The following TTBK2 variants were observed in gnomAD, a reference collection of about 807,000 sequenced individuals.
TTBK2 encodes the protein tau tubulin kinase 2.
A neutral mutation model predicts 110.8 loss-of-function variants in TTBK2; 28 were observed. The ratio of observed to expected loss-of-function variants is 0.25; its 90% CI spans 0.19 to 0.35. The LOEUF is 0.35. Among genes scored for constraint, TTBK2 ranks in the 10% least tolerant of loss-of-function variants. The pLI, the probability that TTBK2 is intolerant of heterozygous loss-of-function variation, is 1.00. For missense variants in TTBK2, 1,369 were observed against 1,500.3 expected (o/e 0.91, Z 1.45); for synonymous variants, 532 against 527.3 (o/e 1.01, Z -0.12).
intron 6 of TTBK2, among the ~76,000 whole-genome samples, chr15:42,822,160 T>C (rs2140963795): frequency 6.6e-6 from 1 of 152,326 alleles, no homozygotes; most frequent in Non-Finnish European, 1.5e-5. Flanking sequence ...TGTTTACAGA[T>C]CTTGGATATA....
chr15:42,912,146 G>A (rs939320300), intron 1 of TTBK2, among the ~76,000 whole-genome samples: 3 of 152,068 alleles, frequency 2.0e-5, no homozygotes, highest in Non-Finnish European at 4.4e-5. Context: ...AGGCCTGAAA[G>A]GTAAACTGAG....
chr15:42,838,364 G>GTGTGTGTGTGTGTGTA (rs1337854985), intron 4 of TTBK2, among the ~76,000 whole-genome samples: 1 of 148,646 alleles, frequency 6.7e-6, no homozygotes, highest in Admixed American at 6.6e-5. Context: ...GTGTGTGTGT[G>GTGTGTGTGTGTGTGTA]TGTGTGTGTG....
In TTBK2 at chr15:42,752,446, C is replaced by A. The variant is rs2061879018; in HGVS notation, c.2800G>T (p.Val934Phe). 2 of 1,614,168 alleles carry A rather than the reference C, an allele frequency of 1.2e-6. No homozygotes were observed. Among genetic ancestry groups the A allele is most frequent in the Non-Finnish European group, 8.5e-7 (1 of 1,180,020 alleles). The change falls in exon 14 of 15, where the codon GTT becomes TTT. Residue 934 changes from valine (V) to phenylalanine (F), a missense_variant. Physicochemically the swap from Val to Phe is conservative, Grantham distance 50. Transcript: ENST00000267890. ...TGTCTAGTTACAAAGGATGACCTAA[C>A]CATATCCTTCCGGGTTGGGGCACCA... ...EHGAPTRKDMVRSSFVTRHSR... is the reference protein window; with the variant it reads ...EHGAPTRKDMFRSSFVTRHSR...
intron 11 of TTBK2, among the ~76,000 whole-genome samples, chr15:42,782,567 T>C (rs1332131047): frequency 6.6e-6 from 1 of 152,258 alleles, no homozygotes; most frequent in African/African-American, 2.4e-5. Flanking sequence ...AAAAGATGTA[T>C]CTTAAACTGC....
At chr15:42,848,732 C>T (rs530617910) in intron 3 of TTBK2, among the ~76,000 whole-genome samples, 29 of 152,278 alleles carry the variant, frequency 1.9e-4, no homozygotes, top group African/African-American at 6.3e-4. Context: ...TCAGGTGATC[C>T]GCCCACCTAA....
In TTBK2 at chr15:42,820,711, A is replaced by G. The variant is rs538266997; in HGVS notation, c.538-3614T>C. Among the ~76,000 whole-genome samples the G allele has an allele frequency of 3.8e-3, 571 of 151,644 alleles. 1 individual carries two copies. Among genetic ancestry groups the G allele is most frequent in the African/African-American group, 0.013 (517 of 41,160 alleles). On this transcript the variant is annotated intron_variant, in intron 6 of 14. Coordinates refer to ENST00000267890, the MANE Select transcript of TTBK2 (RefSeq NM_173500.4). ...ACACTCTGAAGCTGCAAAAAAAAAA[A>G]GGGGTCGGGCCAGGCACAGTAGTTC...
chr15:42,763,114 A>ACG lies in TTBK2; in HGVS notation c.1999-9868_1999-9867insCG, dbSNP rs1233139438. Among the ~76,000 whole-genome samples the ACG allele has an allele frequency of 6.9e-5, 8 of 116,188 alleles. 1 individual carries two copies. Among genetic ancestry groups the ACG allele is most frequent in the African/African-American group, 2.7e-4 (7 of 25,586 alleles). 76.2% of individuals were successfully genotyped at this position (116,188 alleles called of 152,430 possible). ...TATATATATATATACGTATATATAT[A>ACG]TATACACATATATATACATATATAC... On this transcript the variant is annotated intron_variant, in intron 13 of 14. Transcript: ENST00000267890.
At chr15:42,866,373 C>T (rs185623669) in intron 3 of TTBK2, among the ~76,000 whole-genome samples, 130 of 152,158 alleles carry the variant, frequency 8.5e-4, no homozygotes, top group African/African-American at 3.0e-3. Context: ...CTCATAATAT[C>T]TAGAAACATG....
chr15:42,912,113 G>A (rs1300216549), intron 1 of TTBK2, among the ~76,000 whole-genome samples: 1 of 152,164 alleles, frequency 6.6e-6, no homozygotes, highest in African/African-American at 2.4e-5. Context: ...TGAAAAGGGT[G>A]CTTATTGGGA....
chr15:42,771,749 C>T (rs549245104), intron 13 of TTBK2, among the ~76,000 whole-genome samples: 45 of 152,202 alleles, frequency 3.0e-4, no homozygotes, highest in Middle Eastern at 6.8e-3. Context: ...TTCCTTTTCT[C>T]GATCTCTAAG....
rs76087369 is a variant in TTBK2 at position 42,877,219 on chromosome 15, G to A, written c.69+1330C>T. Among the ~76,000 whole-genome samples, 804 of 152,170 alleles carry A rather than the reference G, an allele frequency of 5.3e-3. 10 individuals are homozygous for A. Among genetic ancestry groups the A allele is most frequent in the African/African-American group, 0.019 (774 of 41,516 alleles). On this transcript the variant is annotated intron_variant, in intron 2 of 14. Coordinates refer to ENST00000267890, the MANE Select transcript of TTBK2 (RefSeq NM_173500.4). The stretch of plus-strand genomic sequence containing the variant: ...GACCTAGGTAATGATCATCAATAGT[G>A]TTAACACCACAAAAAAGATAGACAG...
chr15:42,919,284 A>T (rs74480726), intron 1 of TTBK2, among the ~76,000 whole-genome samples: 1 of 2,910 alleles, frequency 3.4e-4, no homozygotes, highest in Non-Finnish European at 1.3e-3. Context: ...TTCTTTATTT[A>T]AAAAAAAAAA....
In TTBK2 at chr15:42,750,274, T is replaced by A. The variant is rs867336737; in HGVS notation, c.3272+1700A>T. Among the ~76,000 whole-genome samples, 3 of 152,036 alleles carry A rather than the reference T, an allele frequency of 2.0e-5. No individual in the cohort carries two copies. The South Asian group carries it at 6.2e-4, about 32-fold the overall frequency. On this transcript the variant is annotated intron_variant, in intron 14 of 14. Transcript: ENST00000267890. Reference sequence around the variant, plus strand: ...AAAATGTATCAACAGAAATTGTACCTGAAAAAGACCTGATAGCAAAGCTAC... The same window carrying A: ...AAAATGTATCAACAGAAATTGTACCAGAAAAAGACCTGATAGCAAAGCTAC...
intron 9 of TTBK2, chr15:42,801,457 A>G: frequency 1.2e-6 from 1 of 818,194 alleles, no homozygotes; most frequent in Non-Finnish European, 2.2e-6. Flanking sequence ...CCTCAGTCTC[A>G]GCTTGGAGCC....
chr15:42,767,286 G>A (rs1024338805), intron 13 of TTBK2, among the ~76,000 whole-genome samples: 2 of 151,976 alleles, frequency 1.3e-5, no homozygotes, highest in Admixed American at 6.6e-5. Context: ...AGGAGATAGA[G>A]ACACAAAAAA....
chr15:42,875,386 C>T (rs1169602088), intron 2 of TTBK2, among the ~76,000 whole-genome samples: 1 of 152,118 alleles, frequency 6.6e-6, no homozygotes, highest in Non-Finnish European at 1.5e-5. Flanking sequence ...ATAGGCACAA[C>T]AATATCATCC....
In TTBK2 at chr15:42,752,113, T is replaced by C. The variant is rs1408159785; in HGVS notation, c.3133A>G (p.Ile1045Val). ...ATTTTGCTCTTTCTAGACTGGGAGA[T>C]GATGGGTGACAGAAAGCTATCTTCA... is the stretch of plus-strand genomic sequence containing the variant. ...SAEDSFLSPI[I>V]SQSRKSKIPR... is the part of the protein sequence containing the mutation. The change falls in exon 14 of 15, where the codon ATC becomes GTC. Residue 1045 changes from isoleucine to valine, a missense_variant. Ile to Val is a conservative substitution (Grantham distance 29, BLOSUM62 3). Coordinates refer to ENST00000267890, the MANE Select transcript of TTBK2 (RefSeq NM_173500.4). 1.2e-6 allele frequency: 2 copies of C among 1,614,006 alleles called. No individual in the cohort carries two copies. The highest frequency in any genetic ancestry group is 1.7e-6 in the Non-Finnish European group (2 of 1,180,026).
In TTBK2 at chr15:42,756,998, T is replaced by A. The variant is rs186439007; in HGVS notation, c.1999-3751A>T. On this transcript the variant is annotated intron_variant, in intron 13 of 14. Coordinates refer to ENST00000267890, the MANE Select transcript of TTBK2 (RefSeq NM_173500.4). Reference sequence around the variant, plus strand: ...ATGATAAACTGTGCATAAACTACTCTCATATAATATTTCCATAGTACTTTA... The same window carrying A: ...ATGATAAACTGTGCATAAACTACTCACATATAATATTTCCATAGTACTTTA... Among the ~76,000 whole-genome samples, 12 of 152,332 alleles carry A rather than the reference T, an allele frequency of 7.9e-5. No individual in the cohort carries two copies. The East Asian group carries it at 2.3e-3, about 29-fold the overall frequency.
chr15:42,758,055 C>T (rs1347022148), intron 13 of TTBK2, among the ~76,000 whole-genome samples: 2 of 152,198 alleles, frequency 1.3e-5, no homozygotes, highest in Non-Finnish European at 2.9e-5. Context: ...TGCATTTTAA[C>T]TTACAGATTA....
Sources: allele counts gnomAD v4.1 joint callset (sites outside exome capture counted in the v4.1 genomes callset), GRCh38; gene constraint gnomAD v4.1.1; transcripts MANE v1.5; gene names NCBI Gene and HGNC (gene_info 2026-07-23, HGNC 2026-07-21).